Variants in AAGAB observed in about 807,000 individuals in gnomAD.
AAGAB encodes the protein alpha- and gamma-adaptin-binding protein p34.
AAGAB carries 38 observed loss-of-function variants against 44.1 expected under a neutral mutation model. The observed-to-expected ratio is 0.86, with a 90% CI of 0.67 to 1.13. AAGAB has a LOEUF of 1.13. Among genes scored for constraint, AAGAB ranks in the 50% most tolerant of loss-of-function variants. AAGAB has a pLI of 0.00. For synonymous variants in AAGAB, 131 were observed against 131.8 expected, an observed-to-expected ratio of 0.99 and a Z score of 0.04; for missense variants, 450 against 373.8, an observed-to-expected ratio of 1.20 and a Z score of -1.68.
At chr15:67,220,554 A>G (rs1489049952) in intron 5 of AAGAB, 1 of 152,246 alleles carries the variant, frequency 6.6e-6, no homozygotes, top group Non-Finnish European at 1.5e-5. Context: ...TAAAAGGAAG[A>G]AGCCAAACCA....
chr15:67,239,410 T>C (rs1432633737), intron 1 of AAGAB, among the ~76,000 whole-genome samples: 1 of 152,252 alleles, frequency 6.6e-6, no homozygotes, highest in Non-Finnish European at 1.5e-5. Context: ...TTTCAAATGA[T>C]TAAGACATTT....
intron 5 of AAGAB, 54 bp from the exon 6 acceptor site, chr15:67,209,598 C>A: frequency 2.2e-6 from 3 of 1,359,652 alleles, no homozygotes; most frequent in South Asian, 1.2e-5. Context: ...TTAAACTGTT[C>A]AAATGGCTAT....
chr15:67,210,463 C>G (rs1238149213), intron 5 of AAGAB, among the ~76,000 whole-genome samples: 1 of 151,006 alleles, frequency 6.6e-6, no homozygotes, highest in African/African-American at 2.4e-5. Context: ...TTGCAGTGAT[C>G]TGAGATCGCA....
At chr15:67,209,432 A>G in intron 6 of AAGAB, 30 bp downstream of exon 6, 2 of 1,556,278 alleles carry the variant, frequency 1.3e-6, no homozygotes, top group Non-Finnish European at 1.8e-6. Flanking sequence ...AAAGCCAAAG[A>G]GGGAAAAAAG....
rs768894480 is a variant in AAGAB at position 67,201,177 on chromosome 15, CTTT to C, written c.*1641_*1643del. The stretch of plus-strand genomic sequence containing the variant: ...ATCTTTTAAGGAAAACATGTTCCAC[CTTT>C]TTTTTTTTTTTGCAATCCCAGAGCC... On this transcript the variant is annotated 3_prime_UTR_variant, in exon 10 of 10. Transcript: ENST00000261880. 1.4e-5 allele frequency: 2 copies of C among 139,600 alleles called. No homozygotes were observed. The highest frequency in any genetic ancestry group is 2.0e-4 in the East Asian group (1 of 5,030). The allele number at this position is 139,600 out of a possible 1,614,324, so 8.6% of individuals were successfully genotyped here.
At chr15:67,210,568 T>A (rs1425883960) in intron 5 of AAGAB, among the ~76,000 whole-genome samples, 2 of 151,680 alleles carry the variant, frequency 1.3e-5, no homozygotes, top group African/African-American at 2.4e-5. Context: ...GAATGAAGCA[T>A]CTACAGTTAA....
chr15:67,207,970 A>G (rs895104996), intron 7 of AAGAB, among the ~76,000 whole-genome samples: 1 of 152,234 alleles, frequency 6.6e-6, no homozygotes, highest in African/African-American at 2.4e-5. Context: ...TCTGTAGCAT[A>G]AAGATAAAGT....
chr15:67,219,772 C>T (rs1286929129), intron 5 of AAGAB, among the ~76,000 whole-genome samples: 1 of 152,126 alleles, frequency 6.6e-6, no homozygotes, highest in Non-Finnish European at 1.5e-5. Flanking sequence ...TTTAAATGCA[C>T]ACTTTGGCTT....
intron 6 of AAGAB, 103 bp from the exon 7 acceptor site, chr15:67,208,761 A>G (rs1963742170): frequency 1.1e-6 from 1 of 942,560 alleles, no homozygotes. Flanking sequence ...TTGAGAAAAG[A>G]GTAATAGGAA....
chr15:67,241,762 T>C (rs1352871352), intron 1 of AAGAB, among the ~76,000 whole-genome samples: 2 of 152,172 alleles, frequency 1.3e-5, no homozygotes, highest in African/African-American at 4.8e-5. Context: ...CATTTCCTTC[T>C]TCCCATCTCA....
intron 5 of AAGAB, among the ~76,000 whole-genome samples, chr15:67,226,472 C>T (rs1216029493): frequency 2.0e-5 from 3 of 152,086 alleles, no homozygotes; most frequent in Non-Finnish European, 2.9e-5. Flanking sequence ...TATTTTCTTG[C>T]CTATCCAAAT....
At chr15:67,245,836 T>C (rs1307154917) in intron 1 of AAGAB, among the ~76,000 whole-genome samples, 2 of 152,086 alleles carry the variant, frequency 1.3e-5, no homozygotes, top group Non-Finnish European at 2.9e-5. Flanking sequence ...AGATTTTTTT[T>C]CCCCCACAGA....
intron 3 of AAGAB, 96 bp downstream of exon 3, chr15:67,236,312 T>C (rs975053797): frequency 8.5e-7 from 1 of 1,178,292 alleles, no homozygotes; most frequent in Non-Finnish European, 1.2e-6. Flanking sequence ...TAAAGTCACA[T>C]GGGATGTATG....
intron 4 of AAGAB, among the ~76,000 whole-genome samples, chr15:67,232,184 G>A (rs949306443): frequency 4.0e-5 from 6 of 150,400 alleles, no homozygotes; most frequent in Non-Finnish European, 8.8e-5. Flanking sequence ...AACCCAGGAG[G>A]TAGAGGTTGT....
chr15:67,222,273 CACACACACA>C lies in AAGAB; in HGVS notation c.535+9532_535+9540del, dbSNP rs1344720373. On this transcript the variant is annotated intron_variant, in intron 5 of 9. Coordinates refer to ENST00000261880, the MANE Select transcript of AAGAB (RefSeq NM_024666.5). ...ACACACACACACACACACACACACA[CACACACACA>C]CCCTCCACCCATGCTGCCTGACTTT... Among the ~76,000 whole-genome samples, 144 of 151,218 alleles carry C rather than the reference CACACACACA, an allele frequency of 9.5e-4. 1 individual carries two copies. The highest frequency in any genetic ancestry group is 3.0e-3 in the African/African-American group (125 of 41,344).
chr15:67,251,129 T>A (rs1167298262), intron 1 of AAGAB, among the ~76,000 whole-genome samples: 1 of 152,026 alleles, frequency 6.6e-6, no homozygotes, highest in Non-Finnish European at 1.5e-5. Context: ...AATAAGGCCT[T>A]TGAGTGACAA....
At chr15:67,236,120 A>C in intron 3 of AAGAB, 52 bp from the exon 4 acceptor site, 4 of 1,352,392 alleles carry the variant, frequency 3.0e-6, no homozygotes, top group Non-Finnish European at 4.2e-6. Context: ...ATAAAACATG[A>C]CTATTCCTGC....
intron 1 of AAGAB, 23 bp from the exon 2 acceptor site, chr15:67,236,843 C>T (rs766302607): frequency 6.4e-7 from 1 of 1,573,494 alleles, no homozygotes; most frequent in South Asian, 1.2e-5. Flanking sequence ...GACAACATTA[C>T]CATGTAAAGT....
At chr15:67,218,566 T>G (rs777244478) in intron 5 of AAGAB, among the ~76,000 whole-genome samples, 10 of 152,186 alleles carry the variant, frequency 6.6e-5, no homozygotes, top group Non-Finnish European at 1.0e-4. Flanking sequence ...CAGTCCTGAG[T>G]ATGATGCCTA....
Sources: allele counts gnomAD v4.1 joint callset (sites outside exome capture counted in the v4.1 genomes callset), GRCh38; gene constraint gnomAD v4.1.1; transcripts MANE v1.5; gene names NCBI Gene and HGNC (gene_info 2026-07-23, HGNC 2026-07-21).